Variants in COL11A1 observed in about 807,000 individuals in gnomAD.
The protein encoded by COL11A1 is collagen type XI alpha 1 chain.
Under a neutral mutation model 265.2 loss-of-function variants are expected in COL11A1, and 74 were observed. The ratio of observed to expected loss-of-function variants is 0.28; its 90% CI spans 0.23 to 0.34. COL11A1 has a LOEUF of 0.34. Ranked by LOEUF, COL11A1 falls within the 10% of genes least tolerant of loss-of-function variation. The pLI is 1.00. For missense variants in COL11A1, 2,165 were observed against 2,263.6 expected (o/e 0.96, Z 0.88); for synonymous variants, 816 against 727.6 (o/e 1.12, Z -1.96).
In COL11A1 at chr1:103,102,515, G is replaced by A. The variant is rs542190012; in HGVS notation, c.106+5558C>T. Among the ~76,000 whole-genome samples the A allele has an allele frequency of 3.9e-5, 6 of 152,124 alleles. No individual in the cohort carries two copies. The East Asian group carries it at 1.2e-3, about 29-fold the overall frequency. ...GTCACATTTCCCCAGTATTACATGA[G>A]GGAAGTGAAGGAGTAAAAGCAGAAA... On this transcript the variant is annotated intron_variant, in intron 1 of 66. Transcript: ENST00000370096.
In COL11A1 at chr1:102,921,586, T is replaced by C; in HGVS notation, c.3655-15A>G. 1.4e-5 allele frequency: 22 copies of C among 1,607,206 alleles called. No homozygotes were observed. Among genetic ancestry groups the C allele is most frequent in the Non-Finnish European group, 1.9e-5 (22 of 1,176,148 alleles). On this transcript the variant is annotated splice_polypyrimidine_tract_variant and intron_variant, in intron 47 of 66. Coordinates refer to ENST00000370096, the MANE Select transcript of COL11A1 (RefSeq NM_001854.4). ...CCAGGTGGCCCCTGTAAGAGAGAAA[T>C]ATTGAGGTTTACAAAGACCAAATTC...
rs1239851532 is a variant in COL11A1 at position 102,876,840 on chromosome 1, C to G, written c.*1179G>C. ...TCCTGAATGACTTAAAACAAATACT[C>G]TTAATAACAGTCCACCATATGTTAT... On this transcript the variant is annotated 3_prime_UTR_variant, in exon 67 of 67. Coordinates refer to ENST00000370096, the MANE Select transcript of COL11A1 (RefSeq NM_001854.4). 1.3e-5 allele frequency: 2 copies of G among 152,076 alleles called. No individual in the cohort carries two copies. Among genetic ancestry groups the G allele is most frequent in the Admixed American group, 6.6e-5 (1 of 15,230 alleles). The allele number at this position is 152,076 out of a possible 1,614,324, so 9.4% of individuals were successfully genotyped here.
chr1:103,014,913 T>C (rs1339205482), intron 12 of COL11A1, among the ~76,000 whole-genome samples: 2 of 152,116 alleles, frequency 1.3e-5, no homozygotes, highest in Non-Finnish European at 2.9e-5. Flanking sequence ...ACCCATTTTA[T>C]TGATTCATTT....
At chr1:102,951,379 T>C (rs893417417) in intron 41 of COL11A1, among the ~76,000 whole-genome samples, 2 of 152,216 alleles carry the variant, frequency 1.3e-5, no homozygotes, top group Non-Finnish European at 2.9e-5. Flanking sequence ...TTATTATGTA[T>C]GCAAACATGT....
chr1:102,908,375 A>G (rs1186816822), intron 54 of COL11A1, among the ~76,000 whole-genome samples: 1 of 152,062 alleles, frequency 6.6e-6, no homozygotes, highest in Non-Finnish European at 1.5e-5. Flanking sequence ...GATAAATAGG[A>G]AATTTCAATG....
intron 4 of COL11A1, among the ~76,000 whole-genome samples, chr1:103,065,234 CAATTGGCCG>C (rs1671010143): frequency 1.3e-5 from 2 of 151,954 alleles, no homozygotes; most frequent in Non-Finnish European, 2.9e-5. Context: ...ACAACAACAG[CAATTGGCCG>C]GGCACGGTGG....
intron 6 of COL11A1, chr1:103,025,985 CATAA>C (rs751463388): frequency 6.3e-7 from 1 of 1,593,748 alleles, no homozygotes; most frequent in Non-Finnish European, 8.6e-7. Flanking sequence ...GAATGGAAAA[CATAA>C]ATAAACGAGG....
At chr1:103,074,404 T>C (rs757540254) in intron 4 of COL11A1, among the ~76,000 whole-genome samples, 1 of 152,074 alleles carries the variant, frequency 6.6e-6, no homozygotes, top group Non-Finnish European at 1.5e-5. Flanking sequence ...TCCCTGTAAA[T>C]GTTTCCCAGG....
chr1:103,004,084 A>T (rs542890890), intron 20 of COL11A1, among the ~76,000 whole-genome samples: 1 of 152,150 alleles, frequency 6.6e-6, no homozygotes, highest in East Asian at 1.9e-4. Context: ...ATTCCAAGTG[A>T]CATATTATTT....
chr1:102,932,586 C>T (rs567036921), intron 46 of COL11A1, among the ~76,000 whole-genome samples: 5 of 152,194 alleles, frequency 3.3e-5, no homozygotes, highest in East Asian at 1.9e-4. Flanking sequence ...TTGTTCTTCT[C>T]GTGGAGTGTC....
chr1:102,944,160 T>C (rs1421561757), intron 42 of COL11A1, among the ~76,000 whole-genome samples: 1 of 152,186 alleles, frequency 6.6e-6, no homozygotes, highest in Non-Finnish European at 1.5e-5. Context: ...GTAAACCTGC[T>C]GATAACTGCA....
intron 3 of COL11A1, among the ~76,000 whole-genome samples, chr1:103,076,089 T>G (rs1406169186): frequency 2.0e-5 from 3 of 152,156 alleles, no homozygotes; most frequent in Non-Finnish European, 4.4e-5. Context: ...TATTTTTGTT[T>G]AATTAATGTA....
At chr1:102,927,507 G>A (rs1343593839) in intron 46 of COL11A1, among the ~76,000 whole-genome samples, 1 of 152,150 alleles carries the variant, frequency 6.6e-6, no homozygotes, top group East Asian at 1.9e-4. Flanking sequence ...ACGAGGTCAG[G>A]AGATCGAGAC....
chr1:102,881,873 T>C, intron 64 of COL11A1, 108 bp from the exon 65 acceptor site: 1 of 838,254 alleles, frequency 1.2e-6, no homozygotes. Flanking sequence ...AAATAAAGAG[T>C]GCTTAAAATC....
At chr1:102,996,074 A>G in intron 26 of COL11A1, 32 bp from the exon 27 acceptor site, 1 of 1,603,436 alleles carries the variant, frequency 6.2e-7, no homozygotes, top group Non-Finnish European at 8.5e-7. Flanking sequence ...TTATACGTGT[A>G]ATAAATTGAA....
rs748058937 is a variant in COL11A1 at position 102,879,961 on chromosome 1, T to C, written c.5041-45A>G. The stretch of plus-strand genomic sequence containing the variant: ...AAGACACCTAATGACTCTTTTCCTC[T>C]TTTATGCTACAAAGAATTAAATCAC... On this transcript the variant is annotated intron_variant, in intron 65 of 66. Transcript: ENST00000370096. 3.5e-4 allele frequency: 443 copies of C among 1,260,162 alleles called. 2 individuals carry two copies. Among genetic ancestry groups the C allele is most frequent in the Non-Finnish European group, 5.9e-5 (51 of 861,510 alleles). 78.1% of individuals were successfully genotyped at this position (1,260,162 alleles called of 1,614,324 possible).
chr1:103,006,689 C>CA (rs1323615760), intron 15 of COL11A1, among the ~76,000 whole-genome samples: 4 of 151,864 alleles, frequency 2.6e-5, no homozygotes, highest in African/African-American at 9.7e-5. Context: ...AGGCGCCCGC[C>CA]ACTATGCCCG....
chr1:102,887,014 A>G lies in COL11A1; in HGVS notation c.4651T>C (p.Ser1551Pro). Residue 1551 changes from serine (S) to proline (P), a missense_variant, in exon 63 of 67, where the codon TCC (serine) becomes CCC (proline). Physicochemically the swap from Ser to Pro is moderately conservative, Grantham distance 74. Coordinates refer to ENST00000370096, the MANE Select transcript of COL11A1 (RefSeq NM_001854.4). ...EVIQPLPILS[S>P]KKTRRHTEGM... ...TCAGTATGTCTTCTCGTTTTTTTGG[A>G]GGACAAGATTGGTAAAGGCTGAATG... is the stretch of plus-strand genomic sequence containing the variant. 1.2e-6 allele frequency: 2 copies of G among 1,613,780 alleles called. No individual in the cohort carries two copies. The highest frequency in any genetic ancestry group is 1.7e-6 in the Non-Finnish European group (2 of 1,179,826).
intron 54 of COL11A1, among the ~76,000 whole-genome samples, chr1:102,907,851 A>G (rs1209164839): frequency 6.6e-6 from 1 of 152,076 alleles, no homozygotes; most frequent in African/African-American, 2.4e-5. Flanking sequence ...ATTATTAACA[A>G]GGATAACAAA....
Sources: allele counts gnomAD v4.1 joint callset (sites outside exome capture counted in the v4.1 genomes callset), GRCh38; gene constraint gnomAD v4.1.1; transcripts MANE v1.5; gene names NCBI Gene and HGNC (gene_info 2026-07-23, HGNC 2026-07-21).